MARCHF6: variants seen among roughly 807,000 people sequenced by gnomAD.
MARCHF6 encodes the protein membrane associated ring-CH-type finger 6.
Under a neutral mutation model 133.7 loss-of-function variants are expected in MARCHF6, and 31 were observed. The ratio of observed to expected loss-of-function variants is 0.23; its 90% CI spans 0.17 to 0.31. The LOEUF is 0.31. Among genes scored for constraint, MARCHF6 ranks in the 10% least tolerant of loss-of-function variants. The pLI, the probability that MARCHF6 is intolerant of heterozygous loss-of-function variation, is 1.00. For missense variants in MARCHF6, 723 were observed against 1,121.6 expected (o/e 0.64, Z 5.08); for synonymous variants, 395 against 402.5 (o/e 0.98, Z 0.22).
At chr5:10,358,303 G>C (rs1361091627) in intron 1 of MARCHF6, among the ~76,000 whole-genome samples, 1 of 152,180 alleles carries the variant, frequency 6.6e-6, no homozygotes, top group Non-Finnish European at 1.5e-5. Flanking sequence ...AATGGGGAGA[G>C]AGCATGTAGG....
intron 3 of MARCHF6, among the ~76,000 whole-genome samples, chr5:10,380,277 TATTAC>T (rs1737054197): frequency 6.6e-6 from 1 of 152,126 alleles, no homozygotes; most frequent in Non-Finnish European, 1.5e-5. Context: ...TGATTAAAGT[TATTAC>T]ATTTTCACTT....
intron 9 of MARCHF6, 34 bp downstream of exon 9, chr5:10,394,819 A>C: frequency 1.0e-6 from 1 of 998,884 alleles, no homozygotes; most frequent in African/African-American, 2.0e-5. Context: ...TTTTTTTTTG[A>C]GACGGAATCT....
intron 10 of MARCHF6, among the ~76,000 whole-genome samples, chr5:10,398,552 ATATAGACT>A (rs984675013): frequency 1.3e-4 from 20 of 151,382 alleles, no homozygotes; most frequent in Admixed American, 4.6e-4. Flanking sequence ...AATAATTCAT[ATATAGACT>A]GTGAAACTGT....
intron 21 of MARCHF6, among the ~76,000 whole-genome samples, chr5:10,416,858 T>C (rs561169213): frequency 2.0e-5 from 3 of 152,330 alleles, no homozygotes; most frequent in African/African-American, 7.2e-5. Flanking sequence ...GTAAGTTCTA[T>C]TGGACCATGT....
chr5:10,435,660 TATATATATATATATATATATATATATATA>T lies in MARCHF6; in HGVS notation c.*1977_*2005del, dbSNP rs1740596020. 5.1e-4 allele frequency: 3 copies of T among 5,828 alleles called. No homozygotes were observed. The highest frequency in any genetic ancestry group is 2.6e-3 in the African/African-American group (2 of 756). 0.4% of individuals were successfully genotyped at this position (5,828 alleles called of 1,614,324 possible). ...ATAACTATATATATATATATATATA[TATATATATATATATATATATATATATATA>T]TATATATATTTTTTTTTTTTTTTTT... is the stretch of plus-strand genomic sequence containing the variant. On this transcript the variant is annotated 3_prime_UTR_variant, in exon 26 of 26. Coordinates refer to ENST00000274140, the MANE Select transcript of MARCHF6 (RefSeq NM_005885.4).
intron 4 of MARCHF6, among the ~76,000 whole-genome samples, chr5:10,382,632 A>G (rs1292068445): frequency 6.6e-6 from 1 of 152,166 alleles, no homozygotes; most frequent in African/African-American, 2.4e-5. Context: ...GTTTGAGTCC[A>G]GCTGACCAAC....
chr5:10,369,276 A>G (rs1736318051), intron 1 of MARCHF6, among the ~76,000 whole-genome samples: 1 of 152,216 alleles, frequency 6.6e-6, no homozygotes, highest in South Asian at 2.1e-4. Flanking sequence ...TTTGATGACC[A>G]ATGCTGATGA....
chr5:10,374,294 C>G (rs974336301), intron 1 of MARCHF6, among the ~76,000 whole-genome samples: 3 of 152,156 alleles, frequency 2.0e-5, no homozygotes, highest in Non-Finnish European at 4.4e-5. Context: ...ATCCCACTTT[C>G]AATGTGGTGT....
chr5:10,368,026 G>C (rs1034466649), intron 1 of MARCHF6, among the ~76,000 whole-genome samples: 1 of 152,010 alleles, frequency 6.6e-6, no homozygotes, highest in Non-Finnish European at 1.5e-5. Flanking sequence ...CGAATCTGAT[G>C]GGGGGGAGCC....
chr5:10,382,907 G>T (rs1406721496), intron 4 of MARCHF6, among the ~76,000 whole-genome samples: 1 of 152,102 alleles, frequency 6.6e-6, no homozygotes, highest in African/African-American at 2.4e-5. Flanking sequence ...TCAGATATAG[G>T]AGGCTCTTTG....
chr5:10,379,817 G>C (rs1737020051), intron 3 of MARCHF6, among the ~76,000 whole-genome samples: 1 of 151,970 alleles, frequency 6.6e-6, no homozygotes, highest in Non-Finnish European at 1.5e-5. Context: ...TATTGCCCAG[G>C]TTGTTCTTGA....
At chr5:10,426,296 T>G (rs985926556) in intron 23 of MARCHF6, 94 bp from the exon 24 acceptor site, 18 of 1,394,096 alleles carry the variant, frequency 1.3e-5, no homozygotes, top group Middle Eastern at 3.6e-4. Flanking sequence ...TGACTATTTT[T>G]GGGTTGGCAG....
At chr5:10,394,032 AT>A (rs1285628606) in intron 7 of MARCHF6, 49 bp from the exon 8 acceptor site, 2 of 1,120,162 alleles carry the variant, frequency 1.8e-6, no homozygotes, top group African/African-American at 1.6e-5. Context: ...TTTTTTTATT[AT>A]TTATTATTTT....
At chr5:10,411,969 A>C (rs1223930370) in intron 19 of MARCHF6, among the ~76,000 whole-genome samples, 2 of 152,246 alleles carry the variant, frequency 1.3e-5, no homozygotes, top group African/African-American at 4.8e-5. Flanking sequence ...GCAAGTGATC[A>C]ATCTTTGTGC....
At chr5:10,386,569 T>A (rs1028049867) in intron 4 of MARCHF6, among the ~76,000 whole-genome samples, 1 of 152,258 alleles carries the variant, frequency 6.6e-6, no homozygotes, top group Non-Finnish European at 1.5e-5. Flanking sequence ...GTACATACTC[T>A]ACTGAAAAAT....
chr5:10,422,181 C>G (rs1246164596), intron 22 of MARCHF6: 2 of 152,138 alleles, frequency 1.3e-5, no homozygotes, highest in African/African-American at 4.8e-5. Flanking sequence ...CTGGGCTTGG[C>G]TTGGAGGCTT....
At chr5:10,379,321 A>C (rs113711816) in intron 3 of MARCHF6, among the ~76,000 whole-genome samples, 59 of 152,166 alleles carry the variant, frequency 3.9e-4, no homozygotes, top group African/African-American at 1.4e-3. Flanking sequence ...TTTTTCAAAA[A>C]CGTAACTATA....
chr5:10,373,346 C>T (rs1736574592), intron 1 of MARCHF6, among the ~76,000 whole-genome samples: 1 of 152,146 alleles, frequency 6.6e-6, no homozygotes, highest in Non-Finnish European at 1.5e-5. Context: ...CCCCACTCCA[C>T]CTGTCCTGTT....
chr5:10,432,021 G>GA (rs1740397054), intron 25 of MARCHF6, among the ~76,000 whole-genome samples: 1 of 152,142 alleles, frequency 6.6e-6, no homozygotes. Flanking sequence ...TAAGACAAAA[G>GA]AAAAGGAATA....
Sources: gnomAD v4.1 joint callset for allele counts (sites outside exome capture counted in the v4.1 genomes callset) on GRCh38, gnomAD v4.1.1 for gene constraint, MANE v1.5 for transcripts, NCBI Gene and HGNC (gene_info 2026-07-23, HGNC 2026-07-21) for gene names.